Variants in AGBL1 observed in about 807,000 individuals in gnomAD.
AGBL1 encodes the protein cytosolic carboxypeptidase 4.
AGBL1 carries 130 observed loss-of-function variants against 118.9 expected under a neutral mutation model. That is an observed-to-expected ratio of 1.09 (90% CI 0.95 to 1.26). The LOEUF (loss-of-function observed/expected upper bound fraction) is 1.26, where lower values mean the gene tolerates loss of function less well. Among genes scored for constraint, AGBL1 ranks in the 50% most tolerant of loss-of-function variants. The pLI is 0.00. For missense variants in AGBL1, 1,584 were observed against 1,298.1 expected (o/e 1.22, Z -3.38); for synonymous variants, 555 against 478.9 (o/e 1.16, Z -2.08).
chr15:86,512,889 G>T (rs1468589906), intron 18 of AGBL1, among the ~76,000 whole-genome samples: 2 of 150,300 alleles, frequency 1.3e-5, no homozygotes, highest in African/African-American at 2.4e-5. Flanking sequence ...CCTAATTTTT[G>T]AGTTTTTCCA....
At chr15:86,960,397 A>G (rs2080980100) in intron 23 of AGBL1, among the ~76,000 whole-genome samples, 1 of 152,000 alleles carries the variant, frequency 6.6e-6, no homozygotes, top group Non-Finnish European at 1.5e-5. Flanking sequence ...AGCCAAATCC[A>G]CCACTCTTGT....
chr15:86,725,862 G>GC (rs1350866605), intron 22 of AGBL1, among the ~76,000 whole-genome samples: 1 of 152,148 alleles, frequency 6.6e-6, no homozygotes, highest in African/African-American at 2.4e-5. Context: ...TTTCACTAAA[G>GC]CCCTTCTAAG....
intron 17 of AGBL1, among the ~76,000 whole-genome samples, chr15:86,352,544 C>G (rs566931242): frequency 9.2e-4 from 140 of 151,930 alleles, no homozygotes; most frequent in African/African-American, 3.3e-3. Flanking sequence ...TACATTGGCA[C>G]CATCTCGGCT....
At chr15:86,734,571 C>T (rs2077567296) in intron 22 of AGBL1, among the ~76,000 whole-genome samples, 1 of 152,124 alleles carries the variant, frequency 6.6e-6, no homozygotes, top group African/African-American at 2.4e-5. Context: ...GGGCATACAT[C>T]CTTCATGCTG....
intron 17 of AGBL1, among the ~76,000 whole-genome samples, chr15:86,308,312 G>A (rs534195448): frequency 4.6e-5 from 7 of 152,168 alleles, no homozygotes; most frequent in African/African-American, 1.7e-4. Flanking sequence ...ATATGGGTGG[G>A]GCCCTGATGA....
intron 22 of AGBL1, among the ~76,000 whole-genome samples, chr15:86,848,658 G>A (rs1261050364): frequency 1.3e-5 from 2 of 152,090 alleles, no homozygotes; most frequent in East Asian, 3.9e-4. Context: ...TTTCCAATAG[G>A]CAGCAATGAG....
chr15:86,980,035 A>G (rs1235972536), intron 23 of AGBL1, among the ~76,000 whole-genome samples: 2 of 152,174 alleles, frequency 1.3e-5, no homozygotes, highest in East Asian at 3.9e-4. Flanking sequence ...AGCCTGAGAA[A>G]TTGTTGGGAT....
At chr15:86,652,511 G>A (rs566879013) in intron 21 of AGBL1, among the ~76,000 whole-genome samples, 2 of 152,066 alleles carry the variant, frequency 1.3e-5, no homozygotes, top group Non-Finnish European at 2.9e-5. Flanking sequence ...CCGAGATGTG[G>A]TTTAGCTGCT....
At chr15:86,365,863 G>T (rs566996422) in intron 17 of AGBL1, among the ~76,000 whole-genome samples, 182 of 152,214 alleles carry the variant, frequency 1.2e-3, no homozygotes, top group African/African-American at 4.2e-3. Context: ...GCCAATCTGT[G>T]CTTCGTTTTA....
At chr15:86,790,760 T>A (rs2078481857) in intron 22 of AGBL1, among the ~76,000 whole-genome samples, 1 of 152,116 alleles carries the variant, frequency 6.6e-6, no homozygotes, top group Admixed American at 6.5e-5. Flanking sequence ...TCATAGACAT[T>A]CACTATACTT....
intron 18 of AGBL1, among the ~76,000 whole-genome samples, chr15:86,514,348 G>A (rs1337557385): frequency 6.6e-6 from 1 of 152,016 alleles, no homozygotes. Flanking sequence ...TACACATAAA[G>A]TAGTTTTAGA....
intron 21 of AGBL1, among the ~76,000 whole-genome samples, chr15:86,655,639 G>A (rs914238919): frequency 6.6e-6 from 1 of 152,018 alleles, no homozygotes; most frequent in Non-Finnish European, 1.5e-5. Context: ...AAGAACATAC[G>A]CAATTCAAAA....
chr15:86,963,534 A>G (rs1002367026), intron 23 of AGBL1, among the ~76,000 whole-genome samples: 1 of 152,008 alleles, frequency 6.6e-6, no homozygotes, highest in Non-Finnish European at 1.5e-5. Flanking sequence ...AAGCACACAT[A>G]TTACAAAGTT....
chr15:86,874,595 T>A, intron 22 of AGBL1, among the ~76,000 whole-genome samples: 1 of 152,122 alleles, frequency 6.6e-6, no homozygotes. Flanking sequence ...CAGCTGCTAG[T>A]TGAGCACCAG....
downstream of AGBL1, among the ~76,000 whole-genome samples, chr15:86,916,653 C>G (rs367862975): frequency 1.3e-5 from 2 of 152,162 alleles, no homozygotes; most frequent in Non-Finnish European, 2.9e-5. Flanking sequence ...TTGGGCTGAC[C>G]CTTTCCTCTG....
intron 21 of AGBL1, chr15:86,630,328 CA>C (rs1351218544): frequency 1.3e-5 from 2 of 152,220 alleles, no homozygotes; most frequent in African/African-American, 4.8e-5. Flanking sequence ...CTGTGGAACT[CA>C]GCGTTGGTCA....
At chr15:86,703,925 C>T (rs906729517) in intron 22 of AGBL1, among the ~76,000 whole-genome samples, 1 of 152,074 alleles carries the variant, frequency 6.6e-6, no homozygotes. Flanking sequence ...TACCATGGTA[C>T]TGGTACCACA....
At chr15:86,323,507 C>T (rs2080136894) in intron 17 of AGBL1, among the ~76,000 whole-genome samples, 1 of 151,928 alleles carries the variant, frequency 6.6e-6, no homozygotes, top group African/African-American at 2.4e-5. Context: ...TATAAATGGT[C>T]CATCCACTAT....
intron 17 of AGBL1, among the ~76,000 whole-genome samples, chr15:86,396,037 A>T (rs1352049250): frequency 6.6e-6 from 1 of 151,078 alleles, no homozygotes; most frequent in Non-Finnish European, 1.5e-5. Flanking sequence ...TGTCCTCCAG[A>T]CTCATCCATG....
Sources: allele counts gnomAD v4.1 joint callset (sites outside exome capture counted in the v4.1 genomes callset), GRCh38; gene constraint gnomAD v4.1.1; transcripts MANE v1.5; gene names NCBI Gene and HGNC (gene_info 2026-07-23, HGNC 2026-07-21).